LIPA: variants seen among roughly 807,000 people sequenced by gnomAD.
LIPA encodes lipase A, lysosomal acid type, also known as lysosomal acid lipase/cholesteryl ester hydrolase.
Under a neutral mutation model 40.6 loss-of-function variants are expected in LIPA, and 26 were observed. The ratio of observed to expected loss-of-function variants is 0.64; its 90% CI spans 0.47 to 0.89. The LOEUF is 0.89. Ranked by LOEUF, LIPA falls within the 40% of genes least tolerant of loss-of-function variation. The pLI, the probability that LIPA is intolerant of heterozygous loss-of-function variation, is 0.00. For synonymous variants in LIPA, 188 were observed against 168.4 expected, an observed-to-expected ratio of 1.12 and a Z score of -0.90; for missense variants, 455 against 479.6, an observed-to-expected ratio of 0.95 and a Z score of 0.48.
chr10:89,328,318 G>A (rs909904059), intron 1 of LIPA, among the ~76,000 whole-genome samples: 2 of 152,138 alleles, frequency 1.3e-5, no homozygotes, highest in Non-Finnish European at 2.9e-5. Flanking sequence ...GGGAGGCAGG[G>A]TGGGGAATGC....
At chr10:89,274,316 A>C (rs997572061) in intron 1 of LIPA, among the ~76,000 whole-genome samples, 46 of 152,264 alleles carry the variant, frequency 3.0e-4, no homozygotes, top group Admixed American at 3.0e-3. Context: ...CCAAATGATA[A>C]AGAAAAACTT....
At chr10:89,321,965 A>G (rs991710962) in intron 1 of LIPA, among the ~76,000 whole-genome samples, 6 of 152,168 alleles carry the variant, frequency 3.9e-5, no homozygotes, top group African/African-American at 9.7e-5. Flanking sequence ...AAACTATCGC[A>G]AGGACAGAAA....
intron 3 of LIPA, among the ~76,000 whole-genome samples, chr10:89,231,425 G>C (rs181940245): frequency 1.3e-5 from 2 of 151,926 alleles, no homozygotes; most frequent in Non-Finnish European, 2.9e-5. Flanking sequence ...CTATACCCTC[G>C]TGTTGTTAAA....
At chr10:89,347,314 G>T (rs979280470), upstream of LIPA, among the ~76,000 whole-genome samples, 1 of 152,218 alleles carries the variant, frequency 6.6e-6, no homozygotes, top group Non-Finnish European at 1.5e-5. Flanking sequence ...GACTGATCAT[G>T]TATGCACCCT....
chr10:89,275,044 G>A (rs1002507655), intron 1 of LIPA, among the ~76,000 whole-genome samples: 16 of 152,158 alleles, frequency 1.1e-4, no homozygotes, highest in African/African-American at 2.7e-4. Flanking sequence ...TGAAACTGTC[G>A]GGGCTTTATA....
chr10:89,222,638 T>A (rs1026513840), intron 7 of LIPA, 56 bp from the exon 8 acceptor site: 3 of 1,101,896 alleles, frequency 2.7e-6, no homozygotes, highest in African/African-American at 3.1e-5. Context: ...GTGGCATTGA[T>A]AATAAACATT....
chr10:89,350,593 C>T (rs1374998161), intron 2 of LIPA, among the ~76,000 whole-genome samples: 1 of 151,862 alleles, frequency 6.6e-6, no homozygotes, highest in Non-Finnish European at 1.5e-5. Flanking sequence ...GTGTGAGCCA[C>T]CGTGCCTGGC....
intron 8 of LIPA, among the ~76,000 whole-genome samples, chr10:89,216,506 A>G (rs2133414629): frequency 6.6e-6 from 1 of 151,838 alleles, no homozygotes; most frequent in East Asian, 1.9e-4. Context: ...CCAGTTTTGT[A>G]TCTGTGGATT....
intron 2 of LIPA, among the ~76,000 whole-genome samples, chr10:89,359,629 C>A (rs1465779072): frequency 6.6e-6 from 1 of 152,192 alleles, no homozygotes; most frequent in African/African-American, 2.4e-5. Flanking sequence ...CCTCATCAAG[C>A]TGCTCCTATT....
At chr10:89,311,335 C>T (rs1843514252) in intron 1 of LIPA, among the ~76,000 whole-genome samples, 1 of 151,756 alleles carries the variant, frequency 6.6e-6, no homozygotes, top group Non-Finnish European at 1.5e-5. Flanking sequence ...CCAGCCTGAT[C>T]AATATGGTGA....
intron 2 of LIPA, chr10:89,383,362 C>A: frequency 1.9e-6 from 3 of 1,614,172 alleles, no homozygotes; most frequent in South Asian, 1.1e-5. Context: ...CCTGATTCAG[C>A]TGAGATGTCA....
intron 1 of LIPA, chr10:89,308,305 G>T (rs1163770763): frequency 6.6e-6 from 1 of 152,054 alleles, no homozygotes; most frequent in Non-Finnish European, 1.5e-5. Context: ...CAGTATTTTA[G>T]CCACTATTAG....
chr10:89,362,514 T>C (rs1844029394), intron 2 of LIPA: 1 of 241,840 alleles, frequency 4.1e-6, no homozygotes, highest in Admixed American at 4.7e-5. Context: ...GAGAAAGAAG[T>C]TGAATGAGAA....
chr10:89,312,215 C>T (rs970890272), intron 1 of LIPA, among the ~76,000 whole-genome samples: 1 of 152,030 alleles, frequency 6.6e-6, no homozygotes, highest in Admixed American at 6.5e-5. Context: ...CTGAGGTGAG[C>T]GGATTGTTTG....
intron 1 of LIPA, among the ~76,000 whole-genome samples, chr10:89,413,908 G>A (rs1043073368): frequency 6.6e-6 from 1 of 152,170 alleles, no homozygotes; most frequent in African/African-American, 2.4e-5. Context: ...TTTGAACAAA[G>A]TCTGGCTCTT....
At chr10:89,330,685 AAT>A (rs1843641102) in intron 1 of LIPA, among the ~76,000 whole-genome samples, 1 of 152,224 alleles carries the variant, frequency 6.6e-6, no homozygotes. Flanking sequence ...TGACTCAAGA[AAT>A]ATCCCAGAAC....
At chr10:89,347,435 T>C (rs191584119), upstream of LIPA, among the ~76,000 whole-genome samples, 3 of 152,338 alleles carry the variant, frequency 2.0e-5, no homozygotes, top group Non-Finnish European at 4.4e-5. Flanking sequence ...ATATCATTTA[T>C]AGAATAGCTA....
At chr10:89,238,791 A>G (rs1167905473) in intron 3 of LIPA, among the ~76,000 whole-genome samples, 2 of 152,228 alleles carry the variant, frequency 1.3e-5, no homozygotes, top group East Asian at 1.9e-4. Context: ...CATATAACAT[A>G]TAAAATATTT....
chr10:89,264,201 GCT>G (rs1843224034), intron 1 of LIPA, among the ~76,000 whole-genome samples: 1 of 152,214 alleles, frequency 6.6e-6, no homozygotes, highest in Non-Finnish European at 1.5e-5. Context: ...TTGTGTTACA[GCT>G]CTTTCAGTCC....
Sources: allele counts gnomAD v4.1 joint callset (sites outside exome capture counted in the v4.1 genomes callset), GRCh38; gene constraint gnomAD v4.1.1; transcripts MANE v1.5; gene names NCBI Gene and HGNC (gene_info 2026-07-23, HGNC 2026-07-21).